Variants in KALRN observed in about 807,000 individuals in gnomAD.
KALRN encodes kalirin.
KALRN carries 70 observed loss-of-function variants against 353.7 expected under a neutral mutation model. That is an observed-to-expected ratio of 0.20 (90% CI 0.16 to 0.24). KALRN has a LOEUF of 0.24. KALRN is among the 10% of genes least tolerant of loss of function. KALRN has a pLI of 1.00. For missense variants in KALRN, 2,791 were observed against 3,756.7 expected (o/e 0.74, Z 6.72); for synonymous variants, 1,391 against 1,434.8 (o/e 0.97, Z 0.69).
intron 1 of KALRN, among the ~76,000 whole-genome samples, chr3:124,171,995 T>C (rs2071909471): frequency 6.6e-6 from 1 of 152,090 alleles, no homozygotes; most frequent in South Asian, 2.1e-4. Flanking sequence ...GTTTGGGAGG[T>C]GGACAGACCT....
intron 1 of KALRN, among the ~76,000 whole-genome samples, chr3:124,227,685 T>A (rs1266574693): frequency 7.7e-6 from 1 of 129,176 alleles, no homozygotes; most frequent in African/African-American, 2.9e-5. Context: ...TTTTTTTTTT[T>A]TTTTTTTTTT....
chr3:124,652,598 A>T (rs1460470935), intron 38 of KALRN, among the ~76,000 whole-genome samples: 1 of 150,980 alleles, frequency 6.6e-6, no homozygotes, highest in African/African-American at 2.4e-5. Context: ...TTTTTTTGAG[A>T]TGGAGTCTCT....
At chr3:124,480,229 A>C (rs1468182294) in intron 27 of KALRN, among the ~76,000 whole-genome samples, 3 of 152,218 alleles carry the variant, frequency 2.0e-5, no homozygotes, top group African/African-American at 7.2e-5. Flanking sequence ...TTGCCTGAAG[A>C]GAGTCAAGCT....
At chr3:124,101,618 A>G (rs952774006) in intron 1 of KALRN, among the ~76,000 whole-genome samples, 2 of 152,140 alleles carry the variant, frequency 1.3e-5, no homozygotes, top group Non-Finnish European at 2.9e-5. Flanking sequence ...GCTGGACCTC[A>G]TGGTCTTGGT....
At chr3:124,401,495 AC>A (rs2090862269) in intron 13 of KALRN, among the ~76,000 whole-genome samples, 1 of 152,170 alleles carries the variant, frequency 6.6e-6, no homozygotes, top group African/African-American at 2.4e-5. Context: ...ACAGAGTGAG[AC>A]CCTGTCTCAG....
At chr3:124,355,881 A>T (rs910245941) in intron 10 of KALRN, among the ~76,000 whole-genome samples, 1 of 151,810 alleles carries the variant, frequency 6.6e-6, no homozygotes, top group East Asian at 1.9e-4. Flanking sequence ...ACACCCTGCT[A>T]ATTTTATATT....
intron 34 of KALRN, among the ~76,000 whole-genome samples, chr3:124,585,854 T>C (rs541385381): frequency 6.6e-6 from 1 of 152,232 alleles, no homozygotes; most frequent in African/African-American, 2.4e-5. Context: ...CCCCACCCAG[T>C]CTCCCATCCC....
chr3:124,577,917 A>C lies in KALRN; in HGVS notation c.5182+14828A>C, dbSNP rs555261076. Among the ~76,000 whole-genome samples, 11 of 152,298 alleles carry C rather than the reference A, an allele frequency of 7.2e-5. No homozygotes were observed. In the South Asian group the frequency reaches 1.0e-3, roughly 14 times the overall value. ...AAACCCCCCACCATATTTGGAGTTC[A>C]AATTAAATATAGAAGCAATGTACAC... On this transcript the variant is annotated intron_variant, in intron 34 of 59. Coordinates refer to ENST00000682506, the MANE Select transcript of KALRN (RefSeq NM_001388419.1).
At chr3:124,623,427 C>CAA (rs1554055242) in intron 34 of KALRN, among the ~76,000 whole-genome samples, 2,008 of 147,106 alleles carry the variant, frequency 0.014, 47 homozygotes, top group African/African-American at 0.046. Flanking sequence ...CACACACACA[C>CAA]AAAAGGGAGT....
intron 26 of KALRN, among the ~76,000 whole-genome samples, chr3:124,476,314 A>G (rs1002077088): frequency 6.6e-6 from 1 of 150,434 alleles, no homozygotes; most frequent in African/African-American, 2.4e-5. Context: ...CCCTGTGGGA[A>G]TTCAAAGTCA....
At chr3:124,493,644 C>A (rs557067548) in intron 32 of KALRN, among the ~76,000 whole-genome samples, 1 of 152,172 alleles carries the variant, frequency 6.6e-6, no homozygotes, top group Non-Finnish European at 1.5e-5. Flanking sequence ...CTCCCCTGTA[C>A]CTGAATGGAA....
At chr3:124,680,575 T>G (rs2087678044) in intron 51 of KALRN, among the ~76,000 whole-genome samples, 1 of 152,212 alleles carries the variant, frequency 6.6e-6, no homozygotes, top group African/African-American at 2.4e-5. Flanking sequence ...CTTAATTAGA[T>G]AGACTTTTAT....
At position 124,491,320 on chromosome 3, in the gene KALRN, C is replaced by T. The variant is rs945058720; in HGVS notation, c.4588-3C>T. 6.3e-7 allele frequency: 1 copy of T among 1,587,456 alleles called. No homozygotes were observed. The highest frequency in any genetic ancestry group is 8.6e-7 in the Non-Finnish European group (1 of 1,166,522). On this transcript the variant is annotated splice_region_variant and splice_polypyrimidine_tract_variant and intron_variant, in intron 30 of 59. Coordinates refer to ENST00000682506, the MANE Select transcript of KALRN (RefSeq NM_001388419.1). ...GCCTCTCATAGGCATTTCCTGTCTACAGACCTCAGAGCTGGGTGTGACCGA... is the reference window on the plus strand; with the variant it reads ...GCCTCTCATAGGCATTTCCTGTCTATAGACCTCAGAGCTGGGTGTGACCGA...
intron 34 of KALRN, among the ~76,000 whole-genome samples, chr3:124,599,258 C>A (rs1376164391): frequency 6.6e-6 from 1 of 152,170 alleles, no homozygotes; most frequent in Non-Finnish European, 1.5e-5. Flanking sequence ...ATAGCCTTAT[C>A]ATGCTCACAT....
At chr3:124,337,579 A>G (rs991786032) in intron 9 of KALRN, among the ~76,000 whole-genome samples, 1 of 152,178 alleles carries the variant, frequency 6.6e-6, no homozygotes, top group African/African-American at 2.4e-5. Flanking sequence ...GTCAATGTTC[A>G]TCAGGGATAT....
intron 34 of KALRN, among the ~76,000 whole-genome samples, chr3:124,574,831 A>G (rs1240452124): frequency 6.6e-6 from 1 of 152,180 alleles, no homozygotes; most frequent in Non-Finnish European, 1.5e-5. Context: ...CTGCTCAGGG[A>G]AGGGCAGAGA....
intron 33 of KALRN, among the ~76,000 whole-genome samples, chr3:124,538,095 T>C (rs529381654): frequency 6.6e-6 from 1 of 152,240 alleles, no homozygotes; most frequent in Non-Finnish European, 1.5e-5. Flanking sequence ...AAATAACATT[T>C]TGGCTTTTGA....
intron 14 of KALRN, among the ~76,000 whole-genome samples, chr3:124,416,447 G>T (rs1441822239): frequency 6.6e-6 from 1 of 152,232 alleles, no homozygotes; most frequent in Admixed American, 6.5e-5. Context: ...AATGAGCTTT[G>T]TCAAAAGAGG....
intron 1 of KALRN, among the ~76,000 whole-genome samples, chr3:124,046,948 G>A (rs1229994652): frequency 6.9e-6 from 1 of 144,736 alleles, no homozygotes; most frequent in Non-Finnish European, 1.5e-5. Context: ...CTACTTGGGA[G>A]TCTTATAATG....
Sources: gnomAD v4.1 joint callset for allele counts (sites outside exome capture counted in the v4.1 genomes callset) on GRCh38, gnomAD v4.1.1 for gene constraint, MANE v1.5 for transcripts, NCBI Gene and HGNC (gene_info 2026-07-23, HGNC 2026-07-21) for gene names.